Variants in DIP2C observed in about 807,000 individuals in gnomAD.
DIP2C encodes DIP2 acetate--CoA ligase C (putative).
Under a neutral mutation model 192.4 loss-of-function variants are expected in DIP2C, and 33 were observed. The ratio of observed to expected loss-of-function variants is 0.17; its 90% CI spans 0.13 to 0.23. The LOEUF is 0.23. DIP2C is among the 10% of genes least tolerant of loss of function. The probability of loss-of-function intolerance (pLI) is 1.00; values close to 1 mark genes in which losing one functional copy is unlikely to be tolerated. For synonymous variants in DIP2C, 979 were observed against 864.1 expected (o/e 1.13, Z -2.33); for missense variants, 1,537 against 2,110.1 (o/e 0.73, Z 5.32).
At chr10:280,275 G>A (rs186550776) in intron 36 of DIP2C, among the ~76,000 whole-genome samples, 2 of 152,300 alleles carry the variant, frequency 1.3e-5, no homozygotes, top group Non-Finnish European at 2.9e-5. Context: ...GAGGAGGAAG[G>A]AACAATCTCA....
intron 34 of DIP2C, among the ~76,000 whole-genome samples, chr10:284,963 C>A (rs1043818785): frequency 6.6e-6 from 1 of 152,168 alleles, no homozygotes; most frequent in African/African-American, 2.4e-5. Context: ...AGAATTCTGA[C>A]CCTGGCCCAG....
intron 1 of DIP2C, among the ~76,000 whole-genome samples, chr10:646,682 T>G (rs1245591537): frequency 6.6e-6 from 1 of 152,246 alleles, no homozygotes; most frequent in Non-Finnish European, 1.5e-5. Context: ...TTCACCATAT[T>G]AAGCCAAGCA....
intron 5 of DIP2C, among the ~76,000 whole-genome samples, chr10:419,953 G>A (rs1029814034): frequency 6.6e-6 from 1 of 152,142 alleles, no homozygotes; most frequent in Admixed American, 6.5e-5. Flanking sequence ...AATGAATAAC[G>A]CATTGAGGAA....
chr10:481,422 G>A (rs1843601404), intron 2 of DIP2C, among the ~76,000 whole-genome samples: 1 of 152,140 alleles, frequency 6.6e-6, no homozygotes, highest in Non-Finnish European at 1.5e-5. Context: ...GACAGGGCAA[G>A]GCAGCCACTG....
At chr10:449,920 CAAAAAAAAAAAA>C (rs59135780) in intron 3 of DIP2C, among the ~76,000 whole-genome samples, 183 of 135,928 alleles carry the variant, frequency 1.3e-3, no homozygotes, top group Non-Finnish European at 2.5e-3. Flanking sequence ...TCAACAACAA[CAAAAAAAAAAAA>C]AAAAGAAAAT....
At chr10:678,644 CCCCGCA>C in intron 1 of DIP2C, among the ~76,000 whole-genome samples, 1 of 74,814 alleles carries the variant, frequency 1.3e-5, no homozygotes, top group Admixed American at 1.4e-4. Flanking sequence ...TGTCCATGCT[CCCCGCA>C]CCTGTCCTCC....
chr10:361,722 C>T (rs1007795862), intron 22 of DIP2C, among the ~76,000 whole-genome samples: 1 of 152,148 alleles, frequency 6.6e-6, no homozygotes, highest in Non-Finnish European at 1.5e-5. Context: ...CTGGGGAGAG[C>T]AACTGCCTCC....
intron 3 of DIP2C, among the ~76,000 whole-genome samples, chr10:450,341 A>G (rs1968753759): frequency 6.6e-6 from 1 of 152,228 alleles, no homozygotes; most frequent in African/African-American, 2.4e-5. Flanking sequence ...GGCACTTGTC[A>G]GGATCTGGCA....
intron 1 of DIP2C, among the ~76,000 whole-genome samples, chr10:558,680 G>A (rs375978093): frequency 3.3e-5 from 5 of 152,260 alleles, no homozygotes; most frequent in Admixed American, 6.5e-5. Flanking sequence ...CCAACATCTC[G>A]GAAATCAGAC....
intron 1 of DIP2C, among the ~76,000 whole-genome samples, chr10:675,883 G>C (rs1830858982): frequency 6.6e-6 from 1 of 152,144 alleles, no homozygotes; most frequent in Non-Finnish European, 1.5e-5. Context: ...AAATATTGAA[G>C]AGGATGGAAT....
At chr10:612,053 TG>T (rs1254204485) in intron 1 of DIP2C, among the ~76,000 whole-genome samples, 1 of 152,126 alleles carries the variant, frequency 6.6e-6, no homozygotes, top group African/African-American at 2.4e-5. Context: ...CCCAGCACTT[TG>T]GGAGGCCAAG....
At chr10:610,901 G>A (rs536510101) in intron 1 of DIP2C, among the ~76,000 whole-genome samples, 1 of 147,670 alleles carries the variant, frequency 6.8e-6, no homozygotes, top group Non-Finnish European at 1.5e-5. Flanking sequence ...GTGGGCCCTG[G>A]TGGGAGGTGA....
intron 29 of DIP2C, among the ~76,000 whole-genome samples, chr10:337,445 T>C: frequency 8.1e-6 from 1 of 123,308 alleles, no homozygotes; most frequent in Non-Finnish European, 1.7e-5. Context: ...GCTGATTGTG[T>C]GTGCGTGTGT....
intron 1 of DIP2C, among the ~76,000 whole-genome samples, chr10:615,634 A>C (rs372364704): frequency 1.0e-3 from 148 of 146,566 alleles, no homozygotes; most frequent in South Asian, 4.0e-3. Flanking sequence ...CACCCGCCCC[A>C]CACACACACA....
chr10:340,857 TGGCCCAGCGAGAACCCA>T (rs1344175853), intron 29 of DIP2C: 5 of 466,806 alleles, frequency 1.1e-5, no homozygotes, highest in African/African-American at 7.9e-5. Flanking sequence ...CAATGCCTGC[TGGCCCAGCGAGAACCCA>T]GGCCCAGCAC....
intron 5 of DIP2C, among the ~76,000 whole-genome samples, chr10:420,569 G>A (rs1966115804): frequency 6.6e-6 from 1 of 152,200 alleles, no homozygotes; most frequent in Non-Finnish European, 1.5e-5. Flanking sequence ...TCAGCTCCGA[G>A]GTGTGAAAAC....
intron 31 of DIP2C, among the ~76,000 whole-genome samples, chr10:325,582 T>C (rs1957238229): frequency 2.0e-5 from 3 of 152,222 alleles, no homozygotes; most frequent in Admixed American, 6.5e-5. Context: ...CATCACACTA[T>C]TGCTGAACTT....
rs1183060380 is a variant in DIP2C, at chr10:387,962, G to A, written c.1598-153C>T. 2.6e-5 allele frequency among the ~76,000 whole-genome samples: 4 copies of A among 152,198 alleles called. No individual in the cohort carries two copies. In the East Asian group the frequency reaches 7.7e-4, roughly 29 times the overall value. ...TTGGTGGAAATTCTGTAGACTCCAA[G>A]TAGGCCGGTTTGAGTGCCGGCCACC... is the stretch of plus-strand genomic sequence containing the variant. On this transcript the variant is annotated intron_variant, in intron 13 of 36. Transcript: ENST00000280886.
chr10:672,345 A>G (rs1399462843), intron 1 of DIP2C, among the ~76,000 whole-genome samples: 2 of 152,264 alleles, frequency 1.3e-5, no homozygotes, highest in African/African-American at 4.8e-5. Flanking sequence ...GAAACAGGCC[A>G]GAGACGCGCA....
Sources: gnomAD v4.1 joint callset for allele counts (sites outside exome capture counted in the v4.1 genomes callset) on GRCh38, gnomAD v4.1.1 for gene constraint, MANE v1.5 for transcripts, NCBI Gene and HGNC (gene_info 2026-07-23, HGNC 2026-07-21) for gene names.